Variants in BCL2L1 observed in about 807,000 individuals in gnomAD.
The protein encoded by BCL2L1 is bcl-2-like protein 1.
BCL2L1 carries 1 observed loss-of-function variant against 18.7 expected under a neutral mutation model. The ratio of observed to expected loss-of-function variants is 0.05; its 90% confidence interval spans 0.02 to 0.25. BCL2L1 has a LOEUF of 0.25. Ranked by LOEUF, BCL2L1 falls within the 10% of genes least tolerant of loss-of-function variation. BCL2L1 has a pLI of 1.00. For synonymous variants in BCL2L1, 103 were observed against 122.7 expected (o/e 0.84, Z 1.06); for missense variants, 207 against 304.9 (o/e 0.68, Z 2.39).
At chr20:31,718,383 C>T (rs1286100737) in intron 2 of BCL2L1, among the ~76,000 whole-genome samples, 3 of 152,180 alleles carry the variant, frequency 2.0e-5, no homozygotes, top group Admixed American at 2.0e-4. Context: ...GGGCCAGGCA[C>T]GGTGGTTCAT....
intron 2 of BCL2L1, among the ~76,000 whole-genome samples, chr20:31,715,141 G>A (rs1436722707): frequency 2.6e-5 from 4 of 152,100 alleles, no homozygotes; most frequent in African/African-American, 7.2e-5. Flanking sequence ...GTGTGGTGGC[G>A]GGCACCTGCA....
At chr20:31,681,606 A>G (rs773464042) in intron 2 of BCL2L1, among the ~76,000 whole-genome samples, 1 of 152,242 alleles carries the variant, frequency 6.6e-6, no homozygotes, top group African/African-American at 2.4e-5. Context: ...GCGCCACTGC[A>G]CTTCAGCCTG....
Position 31,722,214 on chromosome 20 carries a change from G to A in BCL2L1, c.5C>T (p.Ser2Phe). Residue 2 changes from serine (S) to phenylalanine (F), a missense_variant, in exon 2 of 3, where the codon TCT becomes TTT. By Grantham distance (155) the Ser-to-Phe change is radical. Coordinates refer to ENST00000307677, the MANE Select transcript of BCL2L1 (RefSeq NM_138578.3). ...AACCACCAGCTCCCGGTTGCTCTGAGACATTTTTATAATAGGGATGGGCTC... is the reference window on the plus strand; with the variant it reads ...AACCACCAGCTCCCGGTTGCTCTGAAACATTTTTATAATAGGGATGGGCTC... Reference protein sequence around the residue: MSQSNRELVVDF... With the variant: MFQSNRELVVDF... The A allele has an allele frequency of 2.0e-6, 3 of 1,494,966 alleles. No individual in the cohort carries two copies. Among genetic ancestry groups the A allele is most frequent in the Non-Finnish European group, 2.7e-6 (3 of 1,129,436 alleles). The allele number at this position is 1,494,966 out of a possible 1,614,324, so 92.6% of individuals were successfully genotyped here.
At chr20:31,723,487 G>C, upstream of BCL2L1, 1 of 985,410 alleles carries the variant, frequency 1.0e-6, no homozygotes, top group Non-Finnish European at 1.2e-6. Context: ...GGAGCCCAGG[G>C]TGGGCCGGCT....
At chr20:31,718,655 CAAA>C (rs969020819) in intron 2 of BCL2L1, among the ~76,000 whole-genome samples, 5 of 66,098 alleles carry the variant, frequency 7.6e-5, no homozygotes, top group Non-Finnish European at 3.0e-5. Context: ...GACTCCGTCT[CAAA>C]AAAAAAAAAA....
intron 2 of BCL2L1, among the ~76,000 whole-genome samples, chr20:31,707,146 C>T (rs1406625634): frequency 6.6e-6 from 1 of 152,218 alleles, no homozygotes. Flanking sequence ...AACGCCTAGT[C>T]AACAACACTG....
Position 31,666,048 on chromosome 20 carries a change from G to T in BCL2L1, c.603C>A (p.Ala201=). 1 of 1,614,106 alleles carries T rather than the reference G, an allele frequency of 6.2e-7. No homozygotes were observed. The highest frequency in any genetic ancestry group is 8.5e-7 in the Non-Finnish European group (1 of 1,180,022). The change falls in exon 3 of 3, where the codon GCC becomes GCA. Residue 201 remains alanine, a synonymous_variant. Coordinates refer to ENST00000307677, the MANE Select transcript of BCL2L1 (RefSeq NM_138578.3). ...AGCGTTCCTGGCCCTTTCGGCTCTC[G>T]GCTGCTGCATTGTTCCCATAGAGTT... The part of the protein sequence containing the change: ...FVELYGNNAA[A]ESRKGQERFN...
intron 2 of BCL2L1, among the ~76,000 whole-genome samples, chr20:31,710,026 C>T (rs1394385780): frequency 1.3e-5 from 2 of 152,078 alleles, no homozygotes; most frequent in Non-Finnish European, 2.9e-5. Context: ...TATTTAAACC[C>T]ATCATGGTCC....
In BCL2L1 at chr20:31,665,717, G is replaced by A; in HGVS notation, c.*232C>T. Reference sequence around the variant, plus strand: ...TGCCAGCCTCCTTTGGACAGATTTTGTGGAAATTTTGTGAATTCTGAGGCC... The same window carrying A: ...TGCCAGCCTCCTTTGGACAGATTTTATGGAAATTTTGTGAATTCTGAGGCC... On this transcript the variant is annotated 3_prime_UTR_variant, in exon 3 of 3. Transcript: ENST00000307677. 1.7e-6 allele frequency: 1 copy of A among 600,856 alleles called. No individual in the cohort carries two copies. Among genetic ancestry groups the A allele is most frequent in the Non-Finnish European group, 2.9e-6 (1 of 350,150 alleles). 37.2% of individuals were successfully genotyped at this position (600,856 alleles called of 1,614,324 possible). A position where few individuals can be genotyped will look rare whatever the true frequency, so the allele number is the denominator to read the frequency against.
Position 31,665,863 on chromosome 20 carries a change from T to G in BCL2L1, c.*86A>C. Reference sequence around the variant, plus strand: ...GGTGGGCATGGGCTGCATGTAGTGGTTCTCCTGGTGGCAATGGCGGCTGGA... The same window carrying G: ...GGTGGGCATGGGCTGCATGTAGTGGGTCTCCTGGTGGCAATGGCGGCTGGA... On this transcript the variant is annotated 3_prime_UTR_variant, in exon 3 of 3. Coordinates refer to ENST00000307677, the MANE Select transcript of BCL2L1 (RefSeq NM_138578.3). 1 of 1,545,304 alleles carries G rather than the reference T, an allele frequency of 6.5e-7. No individual in the cohort carries two copies. The highest frequency in any genetic ancestry group is 8.8e-7 in the Non-Finnish European group (1 of 1,134,806).
rs1203367777 is a variant in BCL2L1 at position 31,665,610 on chromosome 20, A to C, written c.*339T>G. On this transcript the variant is annotated 3_prime_UTR_variant, in exon 3 of 3. Transcript: ENST00000307677. ...AACTTTCAAGCTCCCTGGCAGAAAAACATTTTCAGGGAGGCTAAGGGGTAA... is the reference window on the plus strand; with the variant it reads ...AACTTTCAAGCTCCCTGGCAGAAAACCATTTTCAGGGAGGCTAAGGGGTAA... The C allele has an allele frequency of 1.1e-5, 3 of 274,182 alleles. No homozygotes were observed. Among genetic ancestry groups the C allele is most frequent in the Admixed American group, 1.0e-4 (2 of 19,660 alleles). 17.0% of individuals were successfully genotyped at this position (274,182 alleles called of 1,614,324 possible). A position where few individuals can be genotyped will look rare whatever the true frequency, so the allele number is the denominator to read the frequency against.
intron 2 of BCL2L1, among the ~76,000 whole-genome samples, chr20:31,673,913 T>C (rs2060715441): frequency 6.6e-6 from 1 of 152,214 alleles, no homozygotes; most frequent in Admixed American, 6.5e-5. Flanking sequence ...ACACAGCAGA[T>C]GCCATTCTAA....
intron 2 of BCL2L1, among the ~76,000 whole-genome samples, chr20:31,673,489 TAA>T (rs34438752): frequency 7.2e-6 from 1 of 138,448 alleles, no homozygotes; most frequent in Non-Finnish European, 1.6e-5. Flanking sequence ...ACAAAAAAAT[TAA>T]AAAAAAAAAA....
chr20:31,694,450 C>G (rs1044350270), intron 2 of BCL2L1, among the ~76,000 whole-genome samples: 1 of 151,982 alleles, frequency 6.6e-6, no homozygotes, highest in East Asian at 1.9e-4. Flanking sequence ...TAATGCTCCC[C>G]GAAAGCTGTC....
intron 2 of BCL2L1, chr20:31,716,745 A>G (rs1320110190): frequency 6.6e-6 from 1 of 152,214 alleles, no homozygotes; most frequent in African/African-American, 2.4e-5. Context: ...TCTTCTCTGC[A>G]CATAATTTAA....
chr20:31,704,727 G>A (rs1246591532), intron 2 of BCL2L1, among the ~76,000 whole-genome samples: 1 of 152,134 alleles, frequency 6.6e-6, no homozygotes, highest in Non-Finnish European at 1.5e-5. Context: ...CAATGACACA[G>A]TGCTCTCTGG....
At chr20:31,700,075 A>C (rs2061250224) in intron 2 of BCL2L1, among the ~76,000 whole-genome samples, 2 of 152,206 alleles carry the variant, frequency 1.3e-5, no homozygotes, top group Admixed American at 6.5e-5. Context: ...CCAATCCCTG[A>C]AATAATCTTG....
At chr20:31,667,100 C>T (rs1397151819) in intron 2 of BCL2L1, among the ~76,000 whole-genome samples, 3 of 152,130 alleles carry the variant, frequency 2.0e-5, no homozygotes, top group Non-Finnish European at 4.4e-5. Context: ...TCAAGGTCAC[C>T]CAGCTGTGTC....
intron 2 of BCL2L1, among the ~76,000 whole-genome samples, chr20:31,675,026 GC>G (rs535366277): frequency 9.2e-5 from 14 of 152,150 alleles, no homozygotes; most frequent in Non-Finnish European, 1.8e-4. Flanking sequence ...ACTGGCTCCT[GC>G]CAGCTGAGGG....
Sources: gnomAD v4.1 joint callset for allele counts (sites outside exome capture counted in the v4.1 genomes callset) on GRCh38, gnomAD v4.1.1 for gene constraint, MANE v1.5 for transcripts, NCBI Gene and HGNC (gene_info 2026-07-23, HGNC 2026-07-21) for gene names.